The following TOX variants were observed in gnomAD, a reference collection of about 807,000 sequenced individuals.
The protein encoded by TOX is thymocyte selection-associated high mobility group box protein TOX.
TOX carries 11 observed loss-of-function variants against 53.7 expected under a neutral mutation model. That is an observed-to-expected ratio of 0.20 (90% CI 0.13 to 0.34). TOX has a LOEUF of 0.34. TOX is among the 10% of genes least tolerant of loss of function. The pLI is 1.00. For missense variants in TOX, 570 were observed against 664.6 expected (o/e 0.86, Z 1.56); for synonymous variants, 225 against 245.3 (o/e 0.92, Z 0.77).
At chr8:58,998,528 TATATATATATAA>T (rs1459512956) in intron 1 of TOX, among the ~76,000 whole-genome samples, 2 of 50,766 alleles carry the variant, frequency 3.9e-5, no homozygotes, top group African/African-American at 8.4e-5. Context: ...TATATATATA[TATATATATATAA>T]ATTTATATAT....
chr8:59,004,245 A>T (rs1032192726), intron 1 of TOX, among the ~76,000 whole-genome samples: 1 of 152,184 alleles, frequency 6.6e-6, no homozygotes, highest in Non-Finnish European at 1.5e-5. Context: ...TGACATCTAA[A>T]CCACTTTTCT....
At chr8:59,002,771 T>C (rs1813717551) in intron 1 of TOX, among the ~76,000 whole-genome samples, 1 of 152,210 alleles carries the variant, frequency 6.6e-6, no homozygotes, top group African/African-American at 2.4e-5. Flanking sequence ...ACAAATATCA[T>C]GAAATAATAT....
chr8:59,087,651 T>C (rs979261853), intron 1 of TOX, among the ~76,000 whole-genome samples: 1 of 152,196 alleles, frequency 6.6e-6, no homozygotes, highest in African/African-American at 2.4e-5. Context: ...AGTATTCAAA[T>C]AATAATTTAC....
chr8:58,832,163 TA>T lies in TOX; in HGVS notation c.925-5262del, dbSNP rs568096222. ...TAATATATGTAATATATAATATATG[TA>T]ATATATGTAATATATATATAATATA... On this transcript the variant is annotated intron_variant, in intron 5 of 8. Transcript: ENST00000361421. Among the ~76,000 whole-genome samples, 576 of 115,370 alleles carry T rather than the reference TA, an allele frequency of 5.0e-3. 5 individuals are homozygous for T. Among genetic ancestry groups the T allele is most frequent in the African/African-American group, 0.015 (551 of 37,962 alleles). 75.7% of individuals were successfully genotyped at this position (115,370 alleles called of 152,430 possible).
chr8:58,946,427 T>C (rs1197698682), intron 2 of TOX, among the ~76,000 whole-genome samples: 3 of 152,206 alleles, frequency 2.0e-5, no homozygotes, highest in African/African-American at 4.8e-5. Context: ...CTTTTGTCTC[T>C]GCATGAACAA....
intron 3 of TOX, among the ~76,000 whole-genome samples, chr8:58,939,077 G>A (rs16924312): frequency 0.071 from 10,865 of 152,204 alleles, 474 homozygotes; most frequent in East Asian, 0.21. Context: ...AGTACTTTGG[G>A]TCATAAATAC....
intron 1 of TOX, among the ~76,000 whole-genome samples, chr8:59,072,986 C>A (rs920174313): frequency 2.0e-5 from 3 of 152,106 alleles, no homozygotes; most frequent in Non-Finnish European, 4.4e-5. Flanking sequence ...TGTGACAGGG[C>A]AGCTACTTAA....
At chr8:58,891,003 T>G (rs941676430) in intron 3 of TOX, among the ~76,000 whole-genome samples, 2 of 152,094 alleles carry the variant, frequency 1.3e-5, no homozygotes, top group African/African-American at 4.8e-5. Flanking sequence ...AGCACACTGA[T>G]CTCTGAGGTG....
chr8:58,850,266 A>G (rs916686701), intron 4 of TOX, among the ~76,000 whole-genome samples: 9 of 152,212 alleles, frequency 5.9e-5, no homozygotes, highest in Non-Finnish European at 1.0e-4. Context: ...TTCCATTCAT[A>G]GATCCCTGGA....
At chr8:59,072,701 T>C (rs945626195) in intron 1 of TOX, among the ~76,000 whole-genome samples, 8 of 152,206 alleles carry the variant, frequency 5.3e-5, no homozygotes, top group African/African-American at 1.9e-4. Context: ...TGACAAAGAA[T>C]TCCTGTCACT....
intron 1 of TOX, among the ~76,000 whole-genome samples, chr8:59,057,101 C>A (rs1273280981): frequency 6.6e-6 from 1 of 152,144 alleles, no homozygotes; most frequent in African/African-American, 2.4e-5. Flanking sequence ...ACTGAACAAT[C>A]CAGGGAGATG....
rs965254884 is a variant in TOX, at chr8:58,990,521, A to C, written c.103-30513T>G. 1.1e-4 allele frequency among the ~76,000 whole-genome samples: 16 copies of C among 151,850 alleles called. 1 individual carries two copies. The highest frequency in any genetic ancestry group is 9.8e-4 in the Admixed American group (15 of 15,244). On this transcript the variant is annotated intron_variant, in intron 1 of 8. Coordinates refer to ENST00000361421, the MANE Select transcript of TOX (RefSeq NM_014729.3). ...GAAACTTAAACAGAGGAGAGAAAGCACTCCTCTGTTTTCCCAACAAGGTTT... is the reference window on the plus strand; with the variant it reads ...GAAACTTAAACAGAGGAGAGAAAGCCCTCCTCTGTTTTCCCAACAAGGTTT...
At chr8:58,928,122 A>T (rs972784354) in intron 3 of TOX, among the ~76,000 whole-genome samples, 1 of 152,250 alleles carries the variant, frequency 6.6e-6, no homozygotes, top group Non-Finnish European at 1.5e-5. Flanking sequence ...CCTGGGTTCT[A>T]TCATTCACTA....
intron 2 of TOX, among the ~76,000 whole-genome samples, chr8:58,953,284 T>C (rs1253173678): frequency 6.6e-6 from 1 of 152,190 alleles, no homozygotes; most frequent in Non-Finnish European, 1.5e-5. Context: ...TCAGTATCCA[T>C]ACAGCTCTTA....
At chr8:58,846,757 G>C (rs970760305) in intron 4 of TOX, among the ~76,000 whole-genome samples, 5 of 152,122 alleles carry the variant, frequency 3.3e-5, no homozygotes, top group Admixed American at 3.3e-4. Flanking sequence ...GTGTGAATTT[G>C]AGTTAAGAGT....
At chr8:59,007,696 A>G (rs1200894431) in intron 1 of TOX, among the ~76,000 whole-genome samples, 1 of 152,248 alleles carries the variant, frequency 6.6e-6, no homozygotes, top group Non-Finnish European at 1.5e-5. Context: ...GTAAATAAAT[A>G]AAAGTAGTGT....
chr8:59,058,009 A>G (rs547841730), intron 1 of TOX, among the ~76,000 whole-genome samples: 2 of 152,208 alleles, frequency 1.3e-5, no homozygotes, highest in Non-Finnish European at 2.9e-5. Flanking sequence ...CTCTAGACGG[A>G]AAAAATAATA....
intron 1 of TOX, among the ~76,000 whole-genome samples, chr8:58,971,696 GT>G (rs57904058): frequency 0.94 from 143,028 of 151,652 alleles, 67,540 homozygotes; most frequent in East Asian, 1. Context: ...TTTTCGTTTT[GT>G]TTTTTTTTGA....
At chr8:58,975,374 T>C (rs754300612) in intron 1 of TOX, among the ~76,000 whole-genome samples, 1 of 152,122 alleles carries the variant, frequency 6.6e-6, no homozygotes. Context: ...GGTTCTCTTC[T>C]AGAAAAGCAA....
Sources: allele counts gnomAD v4.1 joint callset (sites outside exome capture counted in the v4.1 genomes callset), GRCh38; gene constraint gnomAD v4.1.1; transcripts MANE v1.5; gene names NCBI Gene and HGNC (gene_info 2026-07-23, HGNC 2026-07-21).